PTPRG: variants seen among roughly 807,000 people sequenced by gnomAD.
PTPRG encodes the protein receptor-type tyrosine-protein phosphatase gamma.
A neutral mutation model predicts 165.3 loss-of-function variants in PTPRG; 102 were observed. The ratio of observed to expected loss-of-function variants is 0.62; its 90% CI spans 0.53 to 0.73. PTPRG has a LOEUF of 0.73. PTPRG is among the 30% of genes least tolerant of loss of function. PTPRG has a pLI of 0.00. For synonymous variants in PTPRG, 675 were observed against 669.5 expected, an observed-to-expected ratio of 1.01 and a Z score of -0.13; for missense variants, 1,866 against 1,861.4, an observed-to-expected ratio of 1.00 and a Z score of -0.05.
chr3:62,109,288 T>G (rs1702582748), intron 5 of PTPRG, among the ~76,000 whole-genome samples: 2 of 152,184 alleles, frequency 1.3e-5, no homozygotes, highest in South Asian at 4.1e-4. Flanking sequence ...CCAACACCAT[T>G]TATTAAATAC....
intron 1 of PTPRG, among the ~76,000 whole-genome samples, chr3:61,607,668 C>T (rs1368413642): frequency 3.3e-5 from 5 of 152,206 alleles, no homozygotes; most frequent in Admixed American, 6.5e-5. Flanking sequence ...TTAGAAGTGA[C>T]ATTCTCTGTG....
At position 62,003,434 on chromosome 3, in the gene PTPRG, G is replaced by C. The variant is rs1336499876; in HGVS notation, c.456G>C (p.Trp152Cys). The C allele has an allele frequency of 6.2e-7, 1 of 1,613,976 alleles. No homozygotes were observed. Among genetic ancestry groups the C allele is most frequent in the African/African-American group, 1.3e-5 (1 of 75,004 alleles). Residue 152 changes from tryptophan to cysteine, a missense_variant, in exon 4 of 30, where the codon TGG (tryptophan) becomes TGC (cysteine). By Grantham distance (215) the Trp-to-Cys change is radical. Coordinates refer to ENST00000474889, the MANE Select transcript of PTPRG (RefSeq NM_002841.4). ...AAGCTGAGAAGGTGGAATTTCACTG[G>C]GGCCACAGCAATGGCTCAGCGGGCT... ...RFKAEKVEFH[W>C]GHSNGSAGSE...
chr3:61,746,156 C>T (rs1252617300), intron 1 of PTPRG, among the ~76,000 whole-genome samples: 3 of 150,682 alleles, frequency 2.0e-5, no homozygotes. Flanking sequence ...TATCGTCCCA[C>T]CTCAGCCAGC....
At chr3:61,850,464 G>T (rs1472103820) in intron 2 of PTPRG, among the ~76,000 whole-genome samples, 2 of 152,208 alleles carry the variant, frequency 1.3e-5, no homozygotes, top group African/African-American at 2.4e-5. Flanking sequence ...CCCAATCCTT[G>T]TTCTTATATT....
chr3:62,292,520 GATCA>G lies in PTPRG; in HGVS notation c.4159_4162del (p.Asn1387LeufsTer2), dbSNP rs1338295621. Reference sequence around the variant, plus strand: ...TGGATGTTTTCCAGGTTGCAAAAATGATCAATCTTATGAGGCCTGGAGTATTCAC... The same window carrying G: ...TGGATGTTTTCCAGGTTGCAAAAATGATCTTATGAGGCCTGGAGTATTCAC... On this transcript the variant is annotated frameshift_variant, in exon 29 of 30. Coordinates refer to ENST00000474889, the MANE Select transcript of PTPRG (RefSeq NM_002841.4). LOFTEE classifies it high-confidence loss of function. 6 of 1,613,510 alleles carry G rather than the reference GATCA, an allele frequency of 3.7e-6. No homozygotes were observed. Among genetic ancestry groups the G allele is most frequent in the Non-Finnish European group, 5.1e-6 (6 of 1,179,680 alleles).
intron 2 of PTPRG, among the ~76,000 whole-genome samples, chr3:61,859,798 G>C (rs961856961): frequency 5.9e-5 from 9 of 152,046 alleles, no homozygotes; most frequent in African/African-American, 1.9e-4. Context: ...AAATACTGCT[G>C]CCCACAACAT....
chr3:61,842,723 G>C (rs996091399), intron 2 of PTPRG, among the ~76,000 whole-genome samples: 4 of 150,962 alleles, frequency 2.6e-5, no homozygotes, highest in Non-Finnish European at 5.9e-5. Flanking sequence ...AAAGCCAATG[G>C]AAAGTGGCAG....
intron 2 of PTPRG, among the ~76,000 whole-genome samples, chr3:61,772,223 A>T (rs974213028): frequency 6.6e-6 from 1 of 152,064 alleles, no homozygotes; most frequent in Non-Finnish European, 1.5e-5. Flanking sequence ...AGGGAGGTGT[A>T]AAATATGTTC....
intron 1 of PTPRG, among the ~76,000 whole-genome samples, chr3:61,594,162 T>G (rs1700639314): frequency 6.6e-6 from 1 of 152,064 alleles, no homozygotes; most frequent in South Asian, 2.1e-4. Flanking sequence ...AGTGAATAAG[T>G]ATTTGGAAGC....
At chr3:61,813,016 T>A (rs924086407) in intron 2 of PTPRG, among the ~76,000 whole-genome samples, 1 of 152,112 alleles carries the variant, frequency 6.6e-6, no homozygotes, top group Admixed American at 6.6e-5. Flanking sequence ...CTTGTGTAGA[T>A]CACCTGAAAC....
intron 28 of PTPRG, among the ~76,000 whole-genome samples, chr3:62,289,663 T>A (rs1702803653): frequency 6.7e-6 from 1 of 149,680 alleles, no homozygotes; most frequent in Admixed American, 6.7e-5. Context: ...AAATCGATAT[T>A]GAAAAGCGTA....
chr3:61,981,174 C>A (rs1452384950), intron 2 of PTPRG, among the ~76,000 whole-genome samples: 1 of 136,510 alleles, frequency 7.3e-6, no homozygotes, highest in Non-Finnish European at 1.6e-5. Flanking sequence ...ATAAAACCGT[C>A]AGATCTCGTG....
chr3:61,718,223 A>AAAC (rs1422929857), intron 1 of PTPRG, among the ~76,000 whole-genome samples: 1 of 151,858 alleles, frequency 6.6e-6, no homozygotes, highest in East Asian at 1.9e-4. Flanking sequence ...CAAAAAAAAA[A>AAAC]AAAAAACGCA....
chr3:62,067,929 A>G (rs1181545433), intron 4 of PTPRG, among the ~76,000 whole-genome samples: 1 of 152,150 alleles, frequency 6.6e-6, no homozygotes, highest in South Asian at 2.1e-4. Context: ...CCATGTTAAG[A>G]ACACTGCTCT....
At chr3:62,161,874 A>G (rs1488761488) in intron 7 of PTPRG, among the ~76,000 whole-genome samples, 1 of 152,208 alleles carries the variant, frequency 6.6e-6, no homozygotes, top group East Asian at 1.9e-4. Context: ...CTGCCCTGTC[A>G]TCCCTCAAAT....
At chr3:61,807,650 A>G (rs1028844114) in intron 2 of PTPRG, among the ~76,000 whole-genome samples, 1 of 152,220 alleles carries the variant, frequency 6.6e-6, no homozygotes, top group East Asian at 1.9e-4. Context: ...ATATATACAC[A>G]TATGTACACT....
rs201041049 is a variant in PTPRG, at chr3:62,003,536, C to T, written c.519+39C>T. 2.7e-5 allele frequency: 44 copies of T among 1,608,304 alleles called. No individual in the cohort carries two copies. The Admixed American group carries it at 3.9e-4, about 14-fold the overall frequency. ...AAGATCTCAACGTGTAGCTGTGCTT[C>T]GGTCTTTATGTTAATCAGATGCTGT... On this transcript the variant is annotated intron_variant, in intron 4 of 29. Coordinates refer to ENST00000474889, the MANE Select transcript of PTPRG (RefSeq NM_002841.4).
chr3:61,891,967 T>C (rs1188293566), intron 2 of PTPRG, among the ~76,000 whole-genome samples: 1 of 152,224 alleles, frequency 6.6e-6, no homozygotes, highest in Non-Finnish European at 1.5e-5. Context: ...AAATTTAATC[T>C]TTAAAATAAT....
At chr3:61,807,350 A>G (rs926304878) in intron 2 of PTPRG, among the ~76,000 whole-genome samples, 1 of 152,226 alleles carries the variant, frequency 6.6e-6, no homozygotes, top group African/African-American at 2.4e-5. Flanking sequence ...GTTACTTGTC[A>G]TTACTCAAGT....
Sources: gnomAD v4.1 joint callset for allele counts (sites outside exome capture counted in the v4.1 genomes callset) on GRCh38, gnomAD v4.1.1 for gene constraint, MANE v1.5 for transcripts, NCBI Gene and HGNC (gene_info 2026-07-23, HGNC 2026-07-21) for gene names.